Variants in HDAC9 observed in about 807,000 individuals in gnomAD.
HDAC9 encodes the protein histone deacetylase 9, also known as MEF-2 interacting transcription repressor (MITR) protein.
Under a neutral mutation model 139.4 loss-of-function variants are expected in HDAC9, and 41 were observed. That is an observed-to-expected ratio of 0.29 (90% CI 0.23 to 0.38). The LOEUF (loss-of-function observed/expected upper bound fraction) is 0.38. Ranked by LOEUF, HDAC9 falls within the 10% of genes least tolerant of loss-of-function variation. HDAC9 has a pLI of 1.00. For synonymous variants in HDAC9, 517 were observed against 476.2 expected (o/e 1.09, Z -1.12); for missense variants, 1,147 against 1,297.0 (o/e 0.88, Z 1.78).
intron 25 of HDAC9, among the ~76,000 whole-genome samples, chr7:18,986,790 C>T (rs1785395640): frequency 6.6e-6 from 1 of 152,006 alleles, no homozygotes; most frequent in African/African-American, 2.4e-5. Context: ...CCTTCACATC[C>T]CTTGTAAGTT....
chr7:18,173,949 AT>A (rs1216014022), intron 2 of HDAC9, among the ~76,000 whole-genome samples: 1 of 152,142 alleles, frequency 6.6e-6, no homozygotes, highest in Non-Finnish European at 1.5e-5. Context: ...GAGGAGGAGT[AT>A]CTTTGTGATG....
chr7:18,799,366 T>A (rs1793097028), intron 17 of HDAC9, among the ~76,000 whole-genome samples: 1 of 152,144 alleles, frequency 6.6e-6, no homozygotes, highest in Non-Finnish European at 1.5e-5. Context: ...TCCACAGAAA[T>A]GTTTGAGACA....
intron 17 of HDAC9, among the ~76,000 whole-genome samples, chr7:18,797,620 G>T (rs988463544): frequency 6.6e-6 from 1 of 152,092 alleles, no homozygotes; most frequent in East Asian, 1.9e-4. Flanking sequence ...TTGAGGTCTG[G>T]TGTTCAAGAC....
intron 1 of HDAC9, among the ~76,000 whole-genome samples, chr7:18,358,043 G>T (rs1237553160): frequency 6.6e-6 from 1 of 152,152 alleles, no homozygotes; most frequent in African/African-American, 2.4e-5. Flanking sequence ...AGAAGGTGTA[G>T]CTGGGTGTGG....
chr7:18,273,854 G>C (rs950520421), intron 2 of HDAC9, among the ~76,000 whole-genome samples: 2 of 152,148 alleles, frequency 1.3e-5, no homozygotes, highest in Non-Finnish European at 2.9e-5. Flanking sequence ...ACAAGGATTA[G>C]GGAAATGCAA....
At chr7:18,542,226 A>G (rs998831914) in intron 2 of HDAC9, among the ~76,000 whole-genome samples, 17 of 152,312 alleles carry the variant, frequency 1.1e-4, no homozygotes, top group South Asian at 2.1e-4. Flanking sequence ...TTTTCCCCTT[A>G]GAGCTTCTCC....
chr7:18,186,644 T>A (rs1789939188), intron 2 of HDAC9, among the ~76,000 whole-genome samples: 1 of 152,240 alleles, frequency 6.6e-6, no homozygotes, highest in Non-Finnish European at 1.5e-5. Context: ...AAGACCTTAA[T>A]TAAATTCCTG....
chr7:18,850,137 A>C (rs1029199463), intron 21 of HDAC9, among the ~76,000 whole-genome samples: 1 of 152,092 alleles, frequency 6.6e-6, no homozygotes, highest in Admixed American at 6.6e-5. Flanking sequence ...CATTATTTAC[A>C]TGGAAGCATT....
intron 6 of HDAC9, among the ~76,000 whole-genome samples, chr7:18,612,231 T>TC (rs1837366934): frequency 6.6e-6 from 1 of 151,998 alleles, no homozygotes; most frequent in South Asian, 2.1e-4. Flanking sequence ...AGGGATCTTT[T>TC]GTTTGTAGTA....
intron 1 of HDAC9, among the ~76,000 whole-genome samples, chr7:18,348,945 G>A (rs183090762): frequency 6.6e-6 from 1 of 152,204 alleles, no homozygotes; most frequent in Admixed American, 6.5e-5. Flanking sequence ...AATTGAGACA[G>A]CATCTTATAG....
At chr7:18,230,982 G>T (rs1465441526) in intron 2 of HDAC9, among the ~76,000 whole-genome samples, 7 of 152,142 alleles carry the variant, frequency 4.6e-5, no homozygotes, top group Non-Finnish European at 8.8e-5. Context: ...CTTAAGCAAA[G>T]CTCAGGCAAC....
At chr7:18,947,813 TATAAG>T (rs1425643549) in intron 23 of HDAC9, among the ~76,000 whole-genome samples, 1 of 151,946 alleles carries the variant, frequency 6.6e-6, no homozygotes, top group African/African-American at 2.4e-5. Flanking sequence ...AAAGGAATAT[TATAAG>T]AGAATATTTC....
intron 2 of HDAC9, among the ~76,000 whole-genome samples, chr7:18,266,373 C>T (rs559293524): frequency 3.9e-5 from 6 of 152,166 alleles, no homozygotes; most frequent in African/African-American, 1.2e-4. Flanking sequence ...GCCAAATACT[C>T]AGGTCTGAAT....
At chr7:18,601,399 C>T (rs1168640238) in intron 6 of HDAC9, among the ~76,000 whole-genome samples, 3 of 151,854 alleles carry the variant, frequency 2.0e-5, no homozygotes, top group African/African-American at 7.3e-5. Flanking sequence ...TCTGCATAGA[C>T]GATGTGATTT....
At chr7:18,505,780 A>C (rs1367140623) in intron 2 of HDAC9, 1 of 152,246 alleles carries the variant, frequency 6.6e-6, no homozygotes, top group Non-Finnish European at 1.5e-5. Flanking sequence ...TTGTAAAAGC[A>C]TTATTGATTA....
At chr7:18,145,894 G>C (rs1399679352) in intron 1 of HDAC9, among the ~76,000 whole-genome samples, 2 of 152,026 alleles carry the variant, frequency 1.3e-5, no homozygotes, top group Non-Finnish European at 2.9e-5. Flanking sequence ...AGAAATAGAG[G>C]TATCCCGAGA....
chr7:18,689,225 A>C (rs1049982910), intron 12 of HDAC9, among the ~76,000 whole-genome samples: 1 of 151,992 alleles, frequency 6.6e-6, no homozygotes, highest in African/African-American at 2.4e-5. Flanking sequence ...ACATTATTGC[A>C]ACTTCCAAAT....
chr7:18,583,521 C>T (rs998035350), intron 2 of HDAC9, among the ~76,000 whole-genome samples: 2 of 151,780 alleles, frequency 1.3e-5, no homozygotes, highest in East Asian at 1.9e-4. Context: ...GAATTCAAGA[C>T]CAGCCTTCGC....
chr7:18,333,656 G>T (rs1781373196), intron 1 of HDAC9, among the ~76,000 whole-genome samples: 1 of 151,306 alleles, frequency 6.6e-6, no homozygotes. Context: ...AAATATATTA[G>T]TATTAAATAA....
Sources: gnomAD v4.1 joint callset for allele counts (sites outside exome capture counted in the v4.1 genomes callset) on GRCh38, gnomAD v4.1.1 for gene constraint, MANE v1.5 for transcripts, NCBI Gene and HGNC (gene_info 2026-07-23, HGNC 2026-07-21) for gene names.